GMNC: variants seen among roughly 807,000 people sequenced by gnomAD.
The protein encoded by GMNC is geminin coiled-coil domain-containing protein 1.
GMNC carries 16 observed loss-of-function variants against 33.6 expected under a neutral mutation model. The ratio of observed to expected loss-of-function variants is 0.48; its 90% CI spans 0.32 to 0.72. The LOEUF is 0.72. Among genes scored for constraint, GMNC ranks in the 30% least tolerant of loss-of-function variants. The pLI, the probability that GMNC is intolerant of heterozygous loss-of-function variation, is 0.03. For synonymous variants in GMNC, 156 were observed against 147.3 expected, an observed-to-expected ratio of 1.06 and a Z score of -0.43; for missense variants, 393 against 388.9, an observed-to-expected ratio of 1.01 and a Z score of -0.09.
chr3:190,844,940 T>C, the GMNC span, among the ~76,000 whole-genome samples: 1 of 152,188 alleles, frequency 6.6e-6, no homozygotes, highest in Non-Finnish European at 1.5e-5. Flanking sequence ...TTTCCTTTGA[T>C]AATAAATTAC....
At position 190,853,933 on chromosome 3, in the gene GMNC, A is replaced by G. The variant is rs1339433340; in HGVS notation, c.*1362T>C. 1 of 152,186 alleles carries G rather than the reference A, an allele frequency of 6.6e-6. No individual in the cohort carries two copies. The highest frequency in any genetic ancestry group is 2.4e-5 in the African/African-American group (1 of 41,454). The allele number at this position is 152,186 out of a possible 1,614,324, so 9.4% of individuals were successfully genotyped here. A position where few individuals can be genotyped will look rare whatever the true frequency, so the allele number is the denominator to read the frequency against. On this transcript the variant is annotated 3_prime_UTR_variant, in exon 5 of 5. Coordinates refer to ENST00000442080, the MANE Select transcript of GMNC (RefSeq NM_001146686.3). ...TTAATATGTATCTATTTTTAGAGGC[A>G]AATTATTCTTACACAGTTACGCCGA...
downstream of GMNC, among the ~76,000 whole-genome samples, chr3:190,851,121 T>C (rs778610938): frequency 1.3e-5 from 2 of 152,212 alleles, no homozygotes; most frequent in Admixed American, 6.5e-5. Context: ...GAGGAAAATA[T>C]GGCTATATAC....
At chr3:190,848,425 A>G (rs1051456086), downstream of GMNC, among the ~76,000 whole-genome samples, 3 of 152,142 alleles carry the variant, frequency 2.0e-5, no homozygotes, top group African/African-American at 7.2e-5. Flanking sequence ...CATTTTTCTG[A>G]TATCATGCCT....
At chr3:190,849,510 C>T (rs1162807873), downstream of GMNC, among the ~76,000 whole-genome samples, 1 of 152,196 alleles carries the variant, frequency 6.6e-6, no homozygotes, top group Non-Finnish European at 1.5e-5. Flanking sequence ...GCAGAGATTT[C>T]TTGCTGTCAA....
the GMNC span, among the ~76,000 whole-genome samples, chr3:190,845,748 C>T: frequency 6.6e-6 from 1 of 151,924 alleles, no homozygotes; most frequent in South Asian, 2.1e-4. Context: ...GACAAGTGAT[C>T]CGCCTGCCTT....
intron 2 of GMNC, chr3:190,859,707 C>G (rs1230107977): frequency 2.8e-6 from 1 of 353,622 alleles, no homozygotes; most frequent in Non-Finnish European, 5.6e-6. Flanking sequence ...ACAGTCAGCT[C>G]TATCTATCAA....
intron 3 of GMNC, among the ~76,000 whole-genome samples, chr3:190,858,232 T>C (rs1737789052): frequency 6.6e-6 from 1 of 152,192 alleles, no homozygotes; most frequent in South Asian, 2.1e-4. Context: ...TTTAGGAAGA[T>C]GTTGCTGGAC....
chr3:190,855,709 G>T lies in GMNC; in HGVS notation c.591C>A (p.Asp197Glu). Residue 197 changes from aspartate to glutamate, a missense_variant, in exon 5 of 5, where the codon GAC becomes GAA. By Grantham distance (45) the Asp-to-Glu change is conservative (BLOSUM62 2). Coordinates refer to ENST00000442080, the MANE Select transcript of GMNC (RefSeq NM_001146686.3). ...PWVLQTLGLKDLDTIDDTSSA... is the reference protein window; with the variant it reads ...PWVLQTLGLKELDTIDDTSSA... ...ATGAGGTGTCATCGATAGTGTCAAGGTCTTTTAACCCAAGTGTTTGAAGGA... is the reference window on the plus strand; with the variant it reads ...ATGAGGTGTCATCGATAGTGTCAAGTTCTTTTAACCCAAGTGTTTGAAGGA... The T allele has an allele frequency of 1.3e-6, 2 of 1,551,554 alleles. No homozygotes were observed. The highest frequency in any genetic ancestry group is 1.7e-6 in the Non-Finnish European group (2 of 1,146,898).
chr3:190,860,435 G>A (rs1737835530), intron 2 of GMNC, among the ~76,000 whole-genome samples: 1 of 152,152 alleles, frequency 6.6e-6, no homozygotes, highest in South Asian at 2.1e-4. Flanking sequence ...AGTGAGATAG[G>A]ACTCTCCAAG....
chr3:190,850,429 T>C (rs1737615238), downstream of GMNC, among the ~76,000 whole-genome samples: 1 of 152,184 alleles, frequency 6.6e-6, no homozygotes, highest in South Asian at 2.1e-4. Context: ...GGATGAAGCC[T>C]GCCGTTTCCC....
downstream of GMNC, among the ~76,000 whole-genome samples, chr3:190,850,820 A>G (rs565903958): frequency 6.0e-4 from 91 of 152,352 alleles, no homozygotes; most frequent in South Asian, 0.014. Context: ...TGTGGCCCAT[A>G]TAACACTTAG....
Position 190,858,992 on chromosome 3 carries a change from G to A in GMNC, c.203C>T (p.Pro68Leu), listed in dbSNP as rs1231082884. 1.3e-6 allele frequency: 2 copies of A among 1,549,276 alleles called. No individual in the cohort carries two copies. The highest frequency in any genetic ancestry group is 1.7e-6 in the Non-Finnish European group (2 of 1,145,068). ...AQESFSDSNF[P>L]LPDLCSWEEA... is the part of the protein sequence containing the mutation. ...TTCCCATGAGCACAAGTCCGGAAGAGGAAAATTTGAGTCACTGAATGATTC... is the reference window on the plus strand; with the variant it reads ...TTCCCATGAGCACAAGTCCGGAAGAAGAAAATTTGAGTCACTGAATGATTC... Residue 68 changes from proline (P) to leucine (L), a missense_variant, in exon 3 of 5, where the codon CCT becomes CTT. Transcript: ENST00000442080.
chr3:190,855,650 C>G lies in GMNC; in HGVS notation c.650G>C (p.Arg217Thr). ...CTGGGAAAATGTGCTGGCGACTCTT[C>G]TGGGATGAGATGCGAGGGCACTGTA... ...ANYSALASHP[R>T]RVASTFSQFP... The change falls in exon 5 of 5, where the codon AGA (arginine) becomes ACA (threonine). Residue 217 changes from arginine to threonine, a missense_variant. Physicochemically the swap from Arg to Thr is moderately conservative, Grantham distance 71. Coordinates refer to ENST00000442080, the MANE Select transcript of GMNC (RefSeq NM_001146686.3). The G allele has an allele frequency of 6.4e-7, 1 of 1,551,560 alleles. No individual in the cohort carries two copies. Among genetic ancestry groups the G allele is most frequent in the South Asian group, 1.2e-5 (1 of 84,064 alleles).
At chr3:190,846,164 A>G in the GMNC span, among the ~76,000 whole-genome samples, 1,591 of 152,198 alleles carry the variant, frequency 0.01, 27 homozygotes, top group African/African-American at 0.037. Context: ...AGGAGGTGGA[A>G]GTTGCAGTAG....
In GMNC at chr3:190,862,616, C is replaced by G; in HGVS notation, c.-1G>C. 2 of 1,552,030 alleles carry G rather than the reference C, an allele frequency of 1.3e-6. No homozygotes were observed. Among genetic ancestry groups the G allele is most frequent in the Non-Finnish European group, 1.7e-6 (2 of 1,146,852 alleles). On this transcript the variant is annotated 5_prime_UTR_variant, in exon 1 of 5. Transcript: ENST00000442080. The surrounding 1 kb of genome is among the most constrained non-coding windows in gnomAD (Gnocchi z 4.5). ...CTAACGCCAGTTCCTCACTTACCATCTTGCAGTGGAAGAAAGCGCTGCAGA... is the reference window on the plus strand; with the variant it reads ...CTAACGCCAGTTCCTCACTTACCATGTTGCAGTGGAAGAAAGCGCTGCAGA...
In GMNC at chr3:190,857,780, T is replaced by C; in HGVS notation, c.384+3A>G. On this transcript the variant is annotated splice_donor_region_variant and intron_variant, in intron 4 of 4. Transcript: ENST00000442080. ...ATAAAGTAGATACATACATCATACA[T>C]ACCTTGGCCTTTTCTTCAAGACATT... is the stretch of plus-strand genomic sequence containing the variant. The C allele has an allele frequency of 9.2e-6, 13 of 1,406,684 alleles. No individual in the cohort carries two copies. The highest frequency in any genetic ancestry group is 1.3e-5 in the Non-Finnish European group (13 of 1,014,496). 87.1% of individuals were successfully genotyped at this position (1,406,684 alleles called of 1,614,324 possible).
the GMNC span, among the ~76,000 whole-genome samples, chr3:190,845,939 A>C: frequency 6.6e-6 from 1 of 152,166 alleles, no homozygotes; most frequent in African/African-American, 2.4e-5. Context: ...TATAATAAAG[A>C]ATGTTGGGGT....
At chr3:190,850,270 G>T (rs1012768589), downstream of GMNC, among the ~76,000 whole-genome samples, 6 of 152,226 alleles carry the variant, frequency 3.9e-5, no homozygotes, top group African/African-American at 1.4e-4. Context: ...GTCTCTGACA[G>T]CCTGTTGACT....
chr3:190,843,552 A>G, the GMNC span, among the ~76,000 whole-genome samples: 1 of 152,262 alleles, frequency 6.6e-6, no homozygotes, highest in East Asian at 1.9e-4. Context: ...TAATGGCACA[A>G]AGGTTTCTGC....
Sources: gnomAD v4.1 joint callset for allele counts (sites outside exome capture counted in the v4.1 genomes callset) on GRCh38, gnomAD v4.1.1 for gene constraint, Gnocchi (gnomAD v3.1) non-coding constraint, MANE v1.5 for transcripts, NCBI Gene and HGNC (gene_info 2026-07-23, HGNC 2026-07-21) for gene names.